The following DLG2 variants were observed in gnomAD, a reference collection of about 807,000 sequenced individuals.
DLG2 encodes disks large homolog 2.
DLG2 carries 45 observed loss-of-function variants against 132.5 expected under a neutral mutation model. That is an observed-to-expected ratio of 0.34 (90% CI 0.27 to 0.44). The LOEUF (loss-of-function observed/expected upper bound fraction) is 0.44. Among genes scored for constraint, DLG2 ranks in the 20% least tolerant of loss-of-function variants. The pLI, the probability that DLG2 is intolerant of heterozygous loss-of-function variation, is 1.00. For synonymous variants in DLG2, 424 were observed against 419.6 expected, an observed-to-expected ratio of 1.01 and a Z score of -0.13; for missense variants, 1,045 against 1,196.9, an observed-to-expected ratio of 0.87 and a Z score of 1.87.
intron 4 of DLG2, among the ~76,000 whole-genome samples, chr11:85,174,628 AG>A (rs2079094201): frequency 6.6e-6 from 1 of 152,228 alleles, no homozygotes; most frequent in Non-Finnish European, 1.5e-5. Context: ...AGTGGAACTA[AG>A]GAGACAGAGA....
intron 3 of DLG2, among the ~76,000 whole-genome samples, chr11:85,410,550 G>T (rs1390641013): frequency 6.6e-6 from 1 of 151,844 alleles, no homozygotes; most frequent in Non-Finnish European, 1.5e-5. Flanking sequence ...AATTTAAGAT[G>T]TGAGTGATGT....
Position 84,694,712 on chromosome 11 carries a change from T to C in DLG2, c.358-159981A>G, listed in dbSNP as rs529313929. ...AGAAGAGTGAATATCCATGGTCATG[T>C]AACCTGATTTTGATCTGTTTATCAG... On this transcript the variant is annotated intron_variant, in intron 6 of 27. Coordinates refer to ENST00000376104, the MANE Select transcript of DLG2 (RefSeq NM_001142699.3). Among the ~76,000 whole-genome samples the C allele has an allele frequency of 5.9e-5, 9 of 151,736 alleles. No individual in the cohort carries two copies. The East Asian group carries it at 1.6e-3, about 26-fold the overall frequency.
chr11:83,781,492 T>C (rs2094826952), intron 18 of DLG2, among the ~76,000 whole-genome samples: 1 of 152,226 alleles, frequency 6.6e-6, no homozygotes, highest in Non-Finnish European at 1.5e-5. Flanking sequence ...TTATCAACTC[T>C]GCTTTTTGGG....
chr11:85,451,163 A>G (rs1385258148), intron 3 of DLG2, among the ~76,000 whole-genome samples: 1 of 152,164 alleles, frequency 6.6e-6, no homozygotes, highest in African/African-American at 2.4e-5. Context: ...ACATCCATCA[A>G]CCTACTTATT....
intron 7 of DLG2, among the ~76,000 whole-genome samples, chr11:84,533,135 C>T (rs1230600464): frequency 6.6e-6 from 1 of 152,188 alleles, no homozygotes; most frequent in Non-Finnish European, 1.5e-5. Context: ...ACTTCTGTCT[C>T]ATGAAGTAGT....
intron 11 of DLG2, among the ~76,000 whole-genome samples, chr11:84,004,072 T>C (rs916522564): frequency 1.3e-5 from 2 of 151,884 alleles, no homozygotes; most frequent in African/African-American, 2.4e-5. Flanking sequence ...GAGAAAGAAA[T>C]TCTCCCTAAC....
chr11:85,471,017 C>A (rs1451804789), intron 3 of DLG2, among the ~76,000 whole-genome samples: 3 of 152,190 alleles, frequency 2.0e-5, no homozygotes, highest in Non-Finnish European at 4.4e-5. Flanking sequence ...CTTTTCTCTT[C>A]CCTTATTTAC....
chr11:83,660,811 T>A (rs1481755738), intron 18 of DLG2, among the ~76,000 whole-genome samples: 2 of 152,078 alleles, frequency 1.3e-5, no homozygotes, highest in African/African-American at 2.4e-5. Context: ...ATTGTACTAT[T>A]TGACCTCTCT....
chr11:84,076,687 C>G (rs1004803606), intron 10 of DLG2, among the ~76,000 whole-genome samples: 2 of 152,182 alleles, frequency 1.3e-5, no homozygotes, highest in Admixed American at 6.5e-5. Context: ...ACTGCCCCTT[C>G]CAGAAGTTAG....
chr11:85,396,560 A>G (rs1316908102), intron 3 of DLG2, among the ~76,000 whole-genome samples: 2 of 152,198 alleles, frequency 1.3e-5, no homozygotes, highest in East Asian at 3.9e-4. Context: ...TAACTAAAAT[A>G]AACAGTGTAG....
intron 6 of DLG2, among the ~76,000 whole-genome samples, chr11:84,592,933 TAAAAAAAAAAAAAAAAAAAAAAAAA>T (rs61017970): frequency 1.1e-4 from 2 of 18,178 alleles, no homozygotes; most frequent in Non-Finnish European, 1.8e-4. Context: ...CTGTCTCTAC[TAAAAAAAAAAAAAAAAAAAAAAAAA>T]AAAAAAAAAA....
chr11:83,657,956 A>C (rs949317542), intron 18 of DLG2, among the ~76,000 whole-genome samples: 4 of 152,314 alleles, frequency 2.6e-5, no homozygotes, highest in Non-Finnish European at 5.9e-5. Context: ...CATATCAAAG[A>C]AGACATGGCT....
At chr11:84,669,818 A>C (rs1185243266) in intron 6 of DLG2, among the ~76,000 whole-genome samples, 1 of 152,158 alleles carries the variant, frequency 6.6e-6, no homozygotes, top group Non-Finnish European at 1.5e-5. Flanking sequence ...GAGATCCTCC[A>C]TGACCTCTCC....
chr11:83,605,007 CAG>C (rs71066055), intron 19 of DLG2, among the ~76,000 whole-genome samples: 2,075 of 129,258 alleles, frequency 0.016, 29 homozygotes, highest in African/African-American at 0.045. Flanking sequence ...TTTTCAAAGA[CAG>C]AGAGAGAGAG....
rs151074273 is a variant in DLG2, at chr11:83,460,574, A to G, written c.2822-650T>C. 7.6e-3 allele frequency among the ~76,000 whole-genome samples: 1,163 copies of G among 152,328 alleles called. 14 individuals carry two copies. Among genetic ancestry groups the G allele is most frequent in the African/African-American group, 0.026 (1,097 of 41,576 alleles). ...ATATAAACAAACTGCTCAGTTGTGT[A>G]TCTCCTAAAACACTAAGTCACTTGG... On this transcript the variant is annotated intron_variant, in intron 27 of 27. Coordinates refer to ENST00000376104, the MANE Select transcript of DLG2 (RefSeq NM_001142699.3).
chr11:83,864,052 C>A (rs1418614157), intron 16 of DLG2, among the ~76,000 whole-genome samples: 7 of 152,166 alleles, frequency 4.6e-5, no homozygotes, highest in Non-Finnish European at 1.0e-4. Flanking sequence ...TCTATACTTC[C>A]ATGTAGCTCT....
chr11:83,831,110 T>C (rs933501970), intron 17 of DLG2, among the ~76,000 whole-genome samples: 2 of 152,168 alleles, frequency 1.3e-5, no homozygotes, highest in African/African-American at 4.8e-5. Context: ...TGCCAGGCAT[T>C]GTGCTAAATA....
intron 18 of DLG2, among the ~76,000 whole-genome samples, chr11:83,780,305 T>C (rs749923027): frequency 1.3e-5 from 2 of 152,168 alleles, no homozygotes; most frequent in Admixed American, 6.5e-5. Flanking sequence ...TTTGACCCCA[T>C]AGAGAAATGC....
intron 7 of DLG2, among the ~76,000 whole-genome samples, chr11:84,251,562 G>A (rs1421837417): frequency 6.6e-6 from 1 of 151,878 alleles, no homozygotes; most frequent in African/African-American, 2.4e-5. Context: ...AAACAATGCA[G>A]GAGGTGAGGA....
Sources: allele counts gnomAD v4.1 joint callset (sites outside exome capture counted in the v4.1 genomes callset), GRCh38; gene constraint gnomAD v4.1.1; transcripts MANE v1.5; gene names NCBI Gene and HGNC (gene_info 2026-07-23, HGNC 2026-07-21).